The following GNMT variants were observed in gnomAD, a reference collection of about 807,000 sequenced individuals.
GNMT encodes glycine N-methyltransferase.
Under a neutral mutation model 30.2 loss-of-function variants are expected in GNMT, and 26 were observed. That is an observed-to-expected ratio of 0.86 (90% confidence interval 0.63 to 1.19). GNMT has a LOEUF of 1.19. Among genes scored for constraint, GNMT ranks in the 50% most tolerant of loss-of-function variants. The pLI is 0.00. For synonymous variants in GNMT, 163 were observed against 163.8 expected (o/e 1.00, Z 0.04); for missense variants, 365 against 398.1 (o/e 0.92, Z 0.71).
chr6:42,960,897 G>C lies in GNMT; in HGVS notation c.130G>C (p.Glu44Gln). Residue 44 changes from glutamate (E) to glutamine (Q), a missense_variant, in exon 1 of 6, where the codon GAG (glutamate) becomes CAG (glutamine). Transcript: ENST00000372808. ...YIGDTRSRTAEYKAWLLGLLR... is the reference protein window; with the variant it reads ...YIGDTRSRTAQYKAWLLGLLR... Reference sequence around the variant, plus strand: ...CGGAGACACCCGCAGCCGCACCGCCGAGTACAAGGCATGGCTGCTTGGGCT... The same window carrying C: ...CGGAGACACCCGCAGCCGCACCGCCCAGTACAAGGCATGGCTGCTTGGGCT... The C allele has an allele frequency of 1.3e-6, 2 of 1,559,246 alleles. No homozygotes were observed. The highest frequency in any genetic ancestry group is 2.4e-5 in the East Asian group (1 of 42,048).
intron 3 of GNMT, 41 bp from the exon 4 acceptor site, chr6:42,963,031 C>T (rs1769500490): frequency 6.2e-7 from 1 of 1,609,744 alleles, no homozygotes; most frequent in South Asian, 1.1e-5. Context: ...TGCTGGGGGC[C>T]CTGAGCAGAT....
At chr6:42,961,032 C>A in intron 1 of GNMT, 59 bp downstream of exon 1, 1 of 1,369,202 alleles carries the variant, frequency 7.3e-7, no homozygotes, top group Non-Finnish European at 9.8e-7. Flanking sequence ...TCAGCCTGTA[C>A]TGCGCGGCCG....
chr6:42,961,842 C>G lies in GNMT; in HGVS notation c.207-370C>G, dbSNP rs536436602. Among the ~76,000 whole-genome samples, 8 of 152,168 alleles carry G rather than the reference C, an allele frequency of 5.3e-5. No homozygotes were observed. The East Asian group carries it at 1.5e-3, about 29-fold the overall frequency. ...TGCTGGGATTACAGGCATGAGCCACCGCGCCCGGCTTTGTCCTGTGCTCTA... is the reference window on the plus strand; with the variant it reads ...TGCTGGGATTACAGGCATGAGCCACGGCGCCCGGCTTTGTCCTGTGCTCTA... On this transcript the variant is annotated intron_variant, in intron 1 of 5. Transcript: ENST00000372808.
chr6:42,962,131 T>C, intron 1 of GNMT, 81 bp from the exon 2 acceptor site: 1 of 1,479,566 alleles, frequency 6.8e-7, no homozygotes, highest in Admixed American at 1.7e-5. Context: ...GAGACAAAAG[T>C]GTCCAGTGCA....
Position 42,962,354 on chromosome 6 carries a change from C to G in GNMT, c.334+15C>G. ...CGACAAGTGGGGTATGCAGGTCTAGCCAGGCTCCCCCAGCCCAGTCACCAG... is the reference window on the plus strand; with the variant it reads ...CGACAAGTGGGGTATGCAGGTCTAGGCAGGCTCCCCCAGCCCAGTCACCAG... On this transcript the variant is annotated intron_variant, in intron 2 of 5. Transcript: ENST00000372808. 3 of 1,613,650 alleles carry G rather than the reference C, an allele frequency of 1.9e-6. No homozygotes were observed. Among genetic ancestry groups the G allele is most frequent in the Non-Finnish European group, 8.5e-7 (1 of 1,179,834 alleles).
chr6:42,963,153 G>T lies in GNMT; in HGVS notation c.533G>T (p.Arg178Leu), dbSNP rs566244116. The change falls in exon 4 of 6, where the codon CGC becomes CTC. Residue 178 changes from arginine (R) to leucine (L), a missense_variant. Arg to Leu is a moderately radical substitution (Grantham distance 102). This residue lies in a region of GNMT where 232 missense variants were observed against 263.0 expected (regional missense o/e 0.88). Transcript: ENST00000372808. ...RAGGLLVIDH[R>L]NYDHILSTGC... ...GGGGGCCTACTGGTCATTGATCATC[G>T]CAACTACGACCACATCCTCAGTACA... 6.2e-7 allele frequency: 1 copy of T among 1,610,020 alleles called. No homozygotes were observed. The highest frequency in any genetic ancestry group is 8.5e-7 in the Non-Finnish European group (1 of 1,179,478).
Position 42,961,014 on chromosome 6 carries a change from G to A in GNMT, c.206+41G>A, listed in dbSNP as rs5031030. The A allele has an allele frequency of 8.1e-3, 11,972 of 1,486,288 alleles. 817 individuals are homozygous for A. In the African/African-American group the frequency reaches 0.15, roughly 18 times the overall value. The allele number at this position is 1,486,288 out of a possible 1,614,324, so 92.1% of individuals were successfully genotyped here. A position where few individuals can be genotyped will look rare whatever the true frequency, so the allele number is the denominator to read the frequency against. ...GGCCGGGGGCGTTGCATGAGATCGG[G>A]GTCTGTCTCAGCCTGTACTGCGCGG... On this transcript the variant is annotated intron_variant, in intron 1 of 5. Coordinates refer to ENST00000372808, the MANE Select transcript of GNMT (RefSeq NM_018960.6).
intron 1 of GNMT, among the ~76,000 whole-genome samples, chr6:42,961,637 T>G (rs1416639701): frequency 6.8e-6 from 1 of 147,750 alleles, no homozygotes; most frequent in Admixed American, 7.2e-5. Flanking sequence ...CACTGCAAGC[T>G]CCGCCTCCTG....
chr6:42,961,513 C>T (rs1769382327), intron 1 of GNMT, among the ~76,000 whole-genome samples: 1 of 150,788 alleles, frequency 6.6e-6, no homozygotes, highest in Admixed American at 6.6e-5. Context: ...CTAACAGGCC[C>T]GGGTTGGTTA....
In GNMT at chr6:42,963,841, G is replaced by A; in HGVS notation, c.*135G>A. 1 of 790,028 alleles carries A rather than the reference G, an allele frequency of 1.3e-6. No homozygotes were observed. The highest frequency in any genetic ancestry group is 1.4e-5 in the South Asian group (1 of 69,492). The allele number at this position is 790,028 out of a possible 1,614,324, so 48.9% of individuals were successfully genotyped here. A position where few individuals can be genotyped will look rare whatever the true frequency, so the allele number is the denominator to read the frequency against. On this transcript the variant is annotated 3_prime_UTR_variant, in exon 6 of 6. Transcript: ENST00000372808. Reference sequence around the variant, plus strand: ...GGGGTGCAGGGATGTGGGTTCCACAGACGGAAGGGTAAACAATATAGTCTT... The same window carrying A: ...GGGGTGCAGGGATGTGGGTTCCACAAACGGAAGGGTAAACAATATAGTCTT...
In GNMT at chr6:42,963,056, C is replaced by G. The variant is rs200406766; in HGVS notation, c.452-16C>G. ...CCTGAGCAGATGGAGTCTTTCTGCC[C>G]GTGCCTGGAGCTCAGGGGACCAGAG... On this transcript the variant is annotated splice_polypyrimidine_tract_variant and intron_variant, in intron 3 of 5. Coordinates refer to ENST00000372808, the MANE Select transcript of GNMT (RefSeq NM_018960.6). 1 of 1,611,036 alleles carries G rather than the reference C, an allele frequency of 6.2e-7. No homozygotes were observed. Among genetic ancestry groups the G allele is most frequent in the Non-Finnish European group, 8.5e-7 (1 of 1,179,920 alleles).
rs774442803 is a variant in GNMT, at chr6:42,962,204, G to A, written c.207-8G>A. 1.9e-5 allele frequency: 31 copies of A among 1,613,894 alleles called. No homozygotes were observed. Among genetic ancestry groups the A allele is most frequent in the Admixed American group, 8.3e-5 (5 of 59,992 alleles). The stretch of plus-strand genomic sequence containing the variant: ...CTCTCTCTGCCTCTCCTCGCTGGCC[G>A]TACTCAGGGTGGACTCCATTATGCT... On this transcript the variant is annotated splice_polypyrimidine_tract_variant and splice_region_variant and intron_variant, in intron 1 of 5. Transcript: ENST00000372808.
chr6:42,962,430 G>A lies in GNMT; in HGVS notation c.334+91G>A, dbSNP rs554957004. The stretch of plus-strand genomic sequence containing the variant: ...TCCTTTAAGTGGGGGCGGGGGTGGA[G>A]TGTTGTGTTTTCCTCGGGGAGACAG... On this transcript the variant is annotated intron_variant, in intron 2 of 5. Transcript: ENST00000372808. The A allele has an allele frequency of 1.0e-4, 141 of 1,399,898 alleles. No individual in the cohort carries two copies. In the African/African-American group the frequency reaches 1.8e-3, roughly 18 times the overall value. 86.7% of individuals were successfully genotyped at this position (1,399,898 alleles called of 1,614,324 possible). A position where few individuals can be genotyped will look rare whatever the true frequency, so the allele number is the denominator to read the frequency against.
intron 1 of GNMT, among the ~76,000 whole-genome samples, chr6:42,961,294 C>G (rs1459459696): frequency 6.6e-6 from 1 of 152,284 alleles, no homozygotes; most frequent in East Asian, 1.9e-4. Context: ...GCAAATATTC[C>G]TCCTGTGATG....
At position 42,963,139 on chromosome 6, in the gene GNMT, G is replaced by A. The variant is rs147291064; in HGVS notation, c.519G>A (p.Leu173=). 2,004 of 1,612,444 alleles carry A rather than the reference G, an allele frequency of 1.2e-3. 18 individuals carry two copies. The African/African-American group carries it at 0.022, about 17-fold the overall frequency. The change falls in exon 4 of 6, where the codon CTG becomes CTA. Residue 173 remains leucine, a synonymous_variant. Transcript: ENST00000372808. ...IASMVRAGGL[L]VIDHRNYDHI... Reference sequence around the variant, plus strand: ...GCATGGTGCGGGCAGGGGGCCTACTGGTCATTGATCATCGCAACTACGACC... The same window carrying A: ...GCATGGTGCGGGCAGGGGGCCTACTAGTCATTGATCATCGCAACTACGACC...
chr6:42,962,442 C>A, intron 2 of GNMT, 103 bp downstream of exon 2: 1 of 1,258,690 alleles, frequency 7.9e-7, no homozygotes, highest in East Asian at 2.3e-5. Flanking sequence ...GTTGTGTTTT[C>A]CTCGGGGAGA....
At chr6:42,961,550 C>CTTTTTTTTTTTTTTTTTTTT (rs575786265) in intron 1 of GNMT, among the ~76,000 whole-genome samples, 5 of 130,618 alleles carry the variant, frequency 3.8e-5, no homozygotes, top group East Asian at 2.5e-4. Context: ...CTATTTTTCT[C>CTTTTTTTTTTTTTTTTTTTT]TTTTTTTTTT....
chr6:42,962,201 G>A lies in GNMT; in HGVS notation c.207-11G>A. 3 of 1,614,082 alleles carry A rather than the reference G, an allele frequency of 1.9e-6. No individual in the cohort carries two copies. Among genetic ancestry groups the A allele is most frequent in the Non-Finnish European group, 2.5e-6 (3 of 1,180,002 alleles). On this transcript the variant is annotated splice_polypyrimidine_tract_variant and intron_variant, in intron 1 of 5. Coordinates refer to ENST00000372808, the MANE Select transcript of GNMT (RefSeq NM_018960.6). ...TGCCTCTCTCTGCCTCTCCTCGCTG[G>A]CCGTACTCAGGGTGGACTCCATTAT... is the stretch of plus-strand genomic sequence containing the variant.
At position 42,963,711 on chromosome 6, in the gene GNMT, G is replaced by C. The variant is rs774639992; in HGVS notation, c.*5G>C. On this transcript the variant is annotated 3_prime_UTR_variant, in exon 6 of 6. Transcript: ENST00000372808. ...GTGCTCAAGAGGACAGACTGAGTGT[G>C]GCCTCAGCTCCCACAAGCCTCTGCC... 2 of 1,613,856 alleles carry C rather than the reference G, an allele frequency of 1.2e-6. No individual in the cohort carries two copies. Among genetic ancestry groups the C allele is most frequent in the Non-Finnish European group, 8.5e-7 (1 of 1,179,866 alleles).
Sources: allele counts gnomAD v4.1 joint callset (sites outside exome capture counted in the v4.1 genomes callset), GRCh38; gene constraint gnomAD v4.1.1; regional missense constraint gnomAD v4.1.1; transcripts MANE v1.5; gene names NCBI Gene and HGNC (gene_info 2026-07-23, HGNC 2026-07-21).